Variants in TUSC3 observed in about 807,000 individuals in gnomAD.
The protein encoded by TUSC3 is dolichyl-diphosphooligosaccharide--protein glycosyltransferase subunit TUSC3.
In TUSC3, 45 loss-of-function variants were observed where a neutral mutation model predicts 44.8. That is an observed-to-expected ratio of 1.00 (90% CI 0.79 to 1.29). The LOEUF is 1.29. TUSC3 is among the 50% of genes most tolerant of loss of function. TUSC3 has a pLI of 0.00. For missense variants in TUSC3, 519 were observed against 437.9 expected, an observed-to-expected ratio of 1.19 and a Z score of -1.65; for synonymous variants, 212 against 152.9, an observed-to-expected ratio of 1.39 and a Z score of -2.85.
chr8:15,473,425 C>G (rs1482048527), intron 1 of TUSC3, among the ~76,000 whole-genome samples: 1 of 152,180 alleles, frequency 6.6e-6, no homozygotes, highest in Non-Finnish European at 1.5e-5. Flanking sequence ...TTGGCTTTAT[C>G]TGAATTTGCT....
intron 6 of TUSC3, among the ~76,000 whole-genome samples, chr8:15,725,842 A>T (rs1198674374): frequency 6.6e-6 from 1 of 152,182 alleles, no homozygotes; most frequent in East Asian, 1.9e-4. Flanking sequence ...GTACTGCACT[A>T]CATTGTTTCC....
chr8:15,744,599 ATACT>A (rs1050156782), intron 8 of TUSC3, among the ~76,000 whole-genome samples: 9 of 152,174 alleles, frequency 5.9e-5, no homozygotes, highest in African/African-American at 2.2e-4. Context: ...TGCTTTCTAA[ATACT>A]TAAAAGTCTT....
rs376756129 is a variant in TUSC3 at position 15,447,684 on chromosome 8, T to A, written n.91+30379T>A. On this transcript the variant is annotated intron_variant and non_coding_transcript_variant, in intron 1 of 5. Coordinates refer to the TUSC3 transcript ENST00000503191. ...TGATTACCTTTGAAAAGCATGAACA[T>A]AATTATGTCTTTTTTTTTTTTTTAC... 5.2e-3 allele frequency among the ~76,000 whole-genome samples: 786 copies of A among 151,746 alleles called. 5 individuals carry two copies. The highest frequency in any genetic ancestry group is 0.024 in the Middle Eastern group (7 of 294).
rs145445523 is a variant in TUSC3, at chr8:15,661,550, C to T, written c.568-606C>T. Among the ~76,000 whole-genome samples, 479 of 152,034 alleles carry T rather than the reference C, an allele frequency of 3.2e-3. 2 individuals are homozygous for T. The highest frequency in any genetic ancestry group is 0.011 in the African/African-American group (467 of 41,528). On this transcript the variant is annotated intron_variant, in intron 4 of 10. Transcript: ENST00000503731. ...AATCACCTCTATAGGCACGTAATGT[C>T]CATCTGTCCTTCACTGGTGATACGA...
intron 1 of TUSC3, among the ~76,000 whole-genome samples, chr8:15,546,194 C>T (rs1039486591): frequency 2.0e-5 from 3 of 151,842 alleles, no homozygotes; most frequent in African/African-American, 7.2e-5. Flanking sequence ...GGCAAGATTT[C>T]TGCAGCTTCT....
At chr8:15,418,300 C>T (rs994414639) in intron 1 of TUSC3, among the ~76,000 whole-genome samples, 10 of 152,074 alleles carry the variant, frequency 6.6e-5, no homozygotes, top group African/African-American at 1.9e-4. Flanking sequence ...CAATGAGTAA[C>T]GTAAACAAAA....
At chr8:15,752,327 A>G (rs541844501) in intron 9 of TUSC3, among the ~76,000 whole-genome samples, 1 of 152,258 alleles carries the variant, frequency 6.6e-6, no homozygotes, top group African/African-American at 2.4e-5. Flanking sequence ...GTATACTGCT[A>G]TGGTGTGACA....
the TUSC3 span, among the ~76,000 whole-genome samples, chr8:15,843,666 T>G: frequency 1.3e-5 from 2 of 150,124 alleles, no homozygotes; most frequent in Non-Finnish European, 2.9e-5. Flanking sequence ...ATGATGTTTA[T>G]AATTATCTAT....
At chr8:15,538,020 G>A (rs755139671), upstream of TUSC3, among the ~76,000 whole-genome samples, 1 of 152,060 alleles carries the variant, frequency 6.6e-6, no homozygotes, top group African/African-American at 2.4e-5. Context: ...TCTTATGTAC[G>A]CACATAGGAG....
chr8:15,685,564 G>A (rs1173753698), intron 6 of TUSC3, among the ~76,000 whole-genome samples: 1 of 152,020 alleles, frequency 6.6e-6, no homozygotes, highest in Non-Finnish European at 1.5e-5. Context: ...TGTCAACAGG[G>A]CCTGTGTTTT....
chr8:15,638,121 AAT>A (rs1171004115), intron 2 of TUSC3, among the ~76,000 whole-genome samples: 1 of 152,014 alleles, frequency 6.6e-6, no homozygotes, highest in Non-Finnish European at 1.5e-5. Context: ...AGTGTTTTCA[AAT>A]TCAGCTGAGA....
chr8:15,839,536 A>T, the TUSC3 span, among the ~76,000 whole-genome samples: 2 of 152,198 alleles, frequency 1.3e-5, no homozygotes, highest in African/African-American at 4.8e-5. Flanking sequence ...CAAGAAAAAA[A>T]ACAAACGACC....
intron 1 of TUSC3, among the ~76,000 whole-genome samples, chr8:15,431,123 C>T (rs1421971317): frequency 1.3e-5 from 2 of 151,678 alleles, no homozygotes; most frequent in African/African-American, 4.9e-5. Context: ...TGTGTGATGG[C>T]TCCAGATTTG....
chr8:15,629,776 G>A (rs1585171165), intron 2 of TUSC3, among the ~76,000 whole-genome samples: 1 of 146,976 alleles, frequency 6.8e-6, no homozygotes, highest in South Asian at 2.1e-4. Context: ...GAGTTAACTT[G>A]CATTTAGATT....
At chr8:15,585,598 C>T (rs764372722) in intron 1 of TUSC3, among the ~76,000 whole-genome samples, 3 of 152,142 alleles carry the variant, frequency 2.0e-5, no homozygotes, top group Non-Finnish European at 4.4e-5. Context: ...TCCACCCTGT[C>T]TTCCTAATGT....
At chr8:15,842,025 T>C in the TUSC3 span, among the ~76,000 whole-genome samples, 1 of 152,204 alleles carries the variant, frequency 6.6e-6, no homozygotes, top group African/African-American at 2.4e-5. Flanking sequence ...GCAATTTTAG[T>C]GACTTGCTAA....
chr8:15,675,788 T>C (rs1348785463), intron 6 of TUSC3, among the ~76,000 whole-genome samples: 1 of 152,132 alleles, frequency 6.6e-6, no homozygotes, highest in Non-Finnish European at 1.5e-5. Context: ...TTTATGGCTG[T>C]ATAGTATTCC....
chr8:15,578,045 G>C (rs1803184374), intron 1 of TUSC3, among the ~76,000 whole-genome samples: 4 of 150,384 alleles, frequency 2.7e-5, no homozygotes, highest in South Asian at 2.1e-4. Context: ...TTGTAAGTTG[G>C]ATTCCTAGGT....
chr8:15,801,070 G>A, the TUSC3 span, among the ~76,000 whole-genome samples: 1 of 152,320 alleles, frequency 6.6e-6, no homozygotes, highest in Admixed American at 6.5e-5. Context: ...AGTTTGTAAA[G>A]TGAAAGCAAG....
Sources: allele counts gnomAD v4.1 joint callset (sites outside exome capture counted in the v4.1 genomes callset), GRCh38; gene constraint gnomAD v4.1.1; transcripts MANE v1.5; gene names NCBI Gene and HGNC (gene_info 2026-07-23, HGNC 2026-07-21).